MYL5: variants seen among roughly 807,000 people sequenced by gnomAD.
MYL5 encodes the protein myosin light chain 5.
A neutral mutation model predicts 20.8 loss-of-function variants in MYL5; 28 were observed. The observed-to-expected ratio is 1.35, with a 90% CI of 1.00 to 1.84. The LOEUF is 1.84. MYL5 is among the 40% of genes most tolerant of loss of function. The pLI is 0.00. For missense variants in MYL5, 274 were observed against 227.3 expected (o/e 1.21, Z -1.32); for synonymous variants, 118 against 87.4 (o/e 1.35, Z -1.95).
chr4:676,906 G>A (rs768474100), upstream of MYL5: 101 of 985,354 alleles, frequency 1.0e-4, no homozygotes, highest in Admixed American at 1.8e-4. Flanking sequence ...CATAGAGGCC[G>A]CTGGACCTGG....
intron 5 of MYL5, 23 bp downstream of exon 7, chr4:680,610 C>A: frequency 1.2e-6 from 2 of 1,609,302 alleles, no homozygotes; most frequent in Non-Finnish European, 8.5e-7. Flanking sequence ...GCGGCCAGGG[C>A]GGCCCGGCTT....
chr4:680,865 G>T, intron 5 of MYL5: 1 of 641,802 alleles, frequency 1.6e-6, no homozygotes, highest in South Asian at 1.9e-5. Flanking sequence ...AGTACCAGGC[G>T]CTGGCCTGTA....
intron 6 of MYL5, among the ~76,000 whole-genome samples, chr4:681,342 C>T (rs1472200829): frequency 6.6e-6 from 1 of 152,052 alleles, no homozygotes; most frequent in African/African-American, 2.4e-5. Context: ...GGAGACCCCT[C>T]CCCTCCGTTA....
At position 681,876 on chromosome 4, in the gene MYL5, T is replaced by G; in HGVS notation, c.421-17T>G. ...GCTCCCGGAGCCCGCAAGGAGCCCT[T>G]TCGCCCCCGCCCGCAGGTGGACCAG... On this transcript the variant is annotated splice_polypyrimidine_tract_variant and intron_variant, in intron 6 of 6. Coordinates refer to ENST00000400159, the Ensembl canonical transcript of MYL5. 1 of 1,311,428 alleles carries G rather than the reference T, an allele frequency of 7.6e-7. No homozygotes were observed. 81.2% of individuals were successfully genotyped at this position (1,311,428 alleles called of 1,614,324 possible).
rs199897367 is a variant in MYL5 at position 678,003 on chromosome 4, G to A, written c.-24G>A. On this transcript the variant is annotated 5_prime_UTR_variant, in exon 1 of 7. Transcript: ENST00000400159. ...GCAAGACCTGGGGCCCTGGGCAGAC[G>A]CATCAAAGCAGGCAGAAGCAGGCAT... 69 of 1,613,364 alleles carry A rather than the reference G, an allele frequency of 4.3e-5. No homozygotes were observed. The East Asian group carries it at 1.2e-3, about 29-fold the overall frequency.
chr4:678,382 C>T, intron 1 of MYL5: 2 of 1,413,836 alleles, frequency 1.4e-6, no homozygotes, highest in Non-Finnish European at 1.8e-6. Flanking sequence ...CTGGCTCCTG[C>T]TGGACGGCGA....
upstream of MYL5, chr4:676,165 T>C (rs1738817691): frequency 6.6e-6 from 1 of 152,224 alleles, no homozygotes; most frequent in Non-Finnish European, 1.5e-5. Flanking sequence ...AGAACCATCT[T>C]GGCCCTCGGC....
chr4:678,386 A>G, intron 1 of MYL5: 2 of 1,413,780 alleles, frequency 1.4e-6, no homozygotes, highest in Non-Finnish European at 1.8e-6. Context: ...CTCCTGCTGG[A>G]CGGCGATCCC....
intron 5 of MYL5, 64 bp downstream of exon 7, chr4:680,651 C>A: frequency 6.5e-7 from 1 of 1,533,994 alleles, no homozygotes; most frequent in South Asian, 1.1e-5. Context: ...CATCCTGTCC[C>A]AAAAGGGACA....
intron 3 of MYL5, among the ~76,000 whole-genome samples, chr4:679,386 C>T (rs1266959876): frequency 6.6e-6 from 1 of 151,544 alleles, no homozygotes; most frequent in South Asian, 2.1e-4. Flanking sequence ...GCATGGAGAC[C>T]CTGCCCGGCC....
chr4:681,742 C>T (rs1203243222), intron 6 of MYL5, 151 bp from the exon 9 acceptor site: 1 of 881,912 alleles, frequency 1.1e-6, no homozygotes, highest in African/African-American at 2.0e-5. Context: ...CCAGCGCCGC[C>T]CCGCCCCCTC....
upstream of MYL5, among the ~76,000 whole-genome samples, chr4:676,716 C>T (rs1336594306): frequency 6.6e-6 from 1 of 152,150 alleles, no homozygotes; most frequent in Non-Finnish European, 1.5e-5. Flanking sequence ...ACTCCTGCAG[C>T]CCAGCAGTGC....
chr4:681,651 TCCAGC>T (rs1739606091), intron 6 of MYL5, among the ~76,000 whole-genome samples: 1 of 2,728 alleles, frequency 3.7e-4, no homozygotes, highest in East Asian at 0.024. Flanking sequence ...CCCCGCCCCC[TCCAGC>T]GCCGCCCCGC....
At chr4:681,631 TCCAGCGCCGCCCCGCCCC>T (rs1739589183) in intron 6 of MYL5, among the ~76,000 whole-genome samples, 1 of 3,538 alleles carries the variant, frequency 2.8e-4, no homozygotes, top group Non-Finnish European at 6.7e-4. Flanking sequence ...CCCCGCCCCC[TCCAGCGCCGCCCCGCCCC>T]CTCCAGCGCC....
At chr4:680,254 C>T (rs1225867068) in intron 4 of MYL5, among the ~76,000 whole-genome samples, 1 of 152,148 alleles carries the variant, frequency 6.6e-6, no homozygotes. Context: ...CTCACTCATG[C>T]AGCACTCACC....
chr4:681,999 C>T (rs751162987), exon 7 of MYL5: 2 of 1,419,998 alleles, frequency 1.4e-6, no homozygotes, highest in East Asian at 5.5e-5. Flanking sequence ...GAGTGAGACC[C>T]AGCCGGGTCA....
At chr4:680,716 T>C in intron 5 of MYL5, 129 bp downstream of exon 7, 1 of 949,084 alleles carries the variant, frequency 1.1e-6, no homozygotes, top group Non-Finnish European at 1.6e-6. Context: ...TTCAGGGCCA[T>C]GAGGAGCGAA....
chr4:678,908 G>A (rs1739136606), intron 2 of MYL5, 50 bp from the exon 5 acceptor site: 1 of 1,610,740 alleles, frequency 6.2e-7, no homozygotes, highest in African/African-American at 1.3e-5. Context: ...AGGGGGCGGG[G>A]CAGAGCCCAG....
At chr4:681,290 TCTGAGGGACGGAA>T (rs1312921586) in intron 6 of MYL5, 150 bp downstream of exon 8, 2 of 898,708 alleles carry the variant, frequency 2.2e-6, no homozygotes, top group Non-Finnish European at 3.4e-6. Flanking sequence ...GAAGTGCCCG[TCTGAGGGACGGAA>T]CTGGCTCAGA....
Sources: allele counts gnomAD v4.1 joint callset (sites outside exome capture counted in the v4.1 genomes callset), GRCh38; gene constraint gnomAD v4.1.1; transcripts MANE v1.5; gene names NCBI Gene and HGNC (gene_info 2026-07-23, HGNC 2026-07-21).